The following DOCK8 variants were observed in gnomAD, a reference collection of about 807,000 sequenced individuals.
DOCK8 encodes dedicator of cytokinesis protein 8.
In DOCK8, 141 loss-of-function variants were observed where a neutral mutation model predicts 245.6. The ratio of observed to expected loss-of-function variants is 0.57; its 90% CI spans 0.50 to 0.66. The LOEUF is 0.66. Ranked by LOEUF, DOCK8 falls within the 30% of genes least tolerant of loss-of-function variation. The probability of loss-of-function intolerance (pLI) is 0.00; values close to 1 mark genes in which losing one functional copy is unlikely to be tolerated. For missense variants in DOCK8, 2,965 were observed against 2,603.4 expected, an observed-to-expected ratio of 1.14 and a Z score of -3.02; for synonymous variants, 1,168 against 970.2, an observed-to-expected ratio of 1.20 and a Z score of -3.79.
At chr9:333,248 C>T (rs950887330) in intron 10 of DOCK8, among the ~76,000 whole-genome samples, 1 of 152,200 alleles carries the variant, frequency 6.6e-6, no homozygotes, top group Non-Finnish European at 1.5e-5. Flanking sequence ...AGGTGTTGAG[C>T]CTATGAAAAG....
chr9:314,817 TA>T (rs2050274819), intron 6 of DOCK8, among the ~76,000 whole-genome samples: 2 of 38,542 alleles, frequency 5.2e-5, no homozygotes, highest in African/African-American at 4.2e-4. Context: ...TTTTTAAATA[TA>T]TCATTACTTG....
At position 317,417 on chromosome 9, in the gene DOCK8, G is replaced by A. The variant is rs12003074; in HGVS notation, c.827+289G>A. ...AATGACCTACATTAAGAAAAATAGCGCTTAAGTCAGTGGTGTGCTGGAGTC... is the reference window on the plus strand; with the variant it reads ...AATGACCTACATTAAGAAAAATAGCACTTAAGTCAGTGGTGTGCTGGAGTC... On this transcript the variant is annotated intron_variant, in intron 7 of 47. Transcript: ENST00000432829. Among the ~76,000 whole-genome samples, 33,157 of 152,034 alleles carry A rather than the reference G, an allele frequency of 0.22. 3,965 individuals are homozygous for A. The highest frequency in any genetic ancestry group is 0.26 in the Non-Finnish European group (17,619 of 67,968).
chr9:459,349 A>G (rs2057734324), intron 46 of DOCK8, among the ~76,000 whole-genome samples: 1 of 152,256 alleles, frequency 6.6e-6, no homozygotes, highest in Admixed American at 6.5e-5. Context: ...AATTTTTTGC[A>G]TTATAAAAGT....
At position 358,324 on chromosome 9, in the gene DOCK8, C is replaced by T. The variant is rs193016444; in HGVS notation, c.1680-9694C>T. The stretch of plus-strand genomic sequence containing the variant: ...GGCTAGGCTAGTCTCGAACTCCTGG[C>T]CTCAAACAGTCCTCCTGCCTTGACC... On this transcript the variant is annotated intron_variant, in intron 14 of 47. Transcript: ENST00000432829. Among the ~76,000 whole-genome samples, 225 of 152,206 alleles carry T rather than the reference C, an allele frequency of 1.5e-3. 1 individual carries two copies. Among genetic ancestry groups the T allele is most frequent in the Non-Finnish European group, 2.7e-3 (186 of 68,014 alleles).
chr9:282,416 T>G (rs78928988), intron 2 of DOCK8, among the ~76,000 whole-genome samples: 2 of 150,220 alleles, frequency 1.3e-5, no homozygotes, highest in African/African-American at 2.4e-5. Flanking sequence ...TCGTTTTGTT[T>G]TTTTTTTTTT....
intron 35 of DOCK8, among the ~76,000 whole-genome samples, chr9:429,452 C>T (rs906120324): frequency 2.6e-5 from 4 of 152,172 alleles, no homozygotes; most frequent in African/African-American, 7.2e-5. Flanking sequence ...CCAGTGAATG[C>T]GACCTGGCTC....
At chr9:313,845 C>G (rs1434991810) in intron 6 of DOCK8, among the ~76,000 whole-genome samples, 2 of 152,148 alleles carry the variant, frequency 1.3e-5, no homozygotes, top group Non-Finnish European at 2.9e-5. Flanking sequence ...ATGCATAGAT[C>G]AAAACATTAC....
chr9:383,616 C>T (rs775082027), intron 22 of DOCK8, among the ~76,000 whole-genome samples: 14 of 141,978 alleles, frequency 9.9e-5, no homozygotes, highest in Non-Finnish European at 1.7e-4. Context: ...AGGAGAATCA[C>T]GTGAACACGG....
chr9:233,203 G>A (rs539400243), intron 1 of DOCK8, among the ~76,000 whole-genome samples: 4,134 of 152,112 alleles, frequency 0.027, 182 homozygotes, highest in African/African-American at 0.091. Context: ...GTAGTTGAGC[G>A]GTTTTGAGTG....
intron 33 of DOCK8, among the ~76,000 whole-genome samples, chr9:426,575 G>C (rs535438603): frequency 6.6e-6 from 1 of 152,320 alleles, no homozygotes; most frequent in African/African-American, 2.4e-5. Flanking sequence ...CAATCTGAGA[G>C]GGGAGCTTAA....
chr9:327,736 G>A (rs2130823162), intron 8 of DOCK8, among the ~76,000 whole-genome samples: 1 of 152,248 alleles, frequency 6.6e-6, no homozygotes, highest in South Asian at 2.1e-4. Context: ...GAGAGCAGAG[G>A]TCCTCCTCTT....
intron 7 of DOCK8, among the ~76,000 whole-genome samples, chr9:322,820 C>A (rs2050578488): frequency 6.6e-6 from 1 of 152,096 alleles, no homozygotes; most frequent in Non-Finnish European, 1.5e-5. Flanking sequence ...TGGCCTGGTG[C>A]AGTGGCTCAC....
chr9:233,980 T>G (rs1374446029), intron 1 of DOCK8, among the ~76,000 whole-genome samples: 3 of 152,206 alleles, frequency 2.0e-5, no homozygotes, highest in Non-Finnish European at 4.4e-5. Context: ...TGATGCAGTT[T>G]CTTCCTAGCT....
In DOCK8 at chr9:241,357, TAAC is replaced by T. The variant is rs202138888; in HGVS notation, c.53+26331_53+26333del. Among the ~76,000 whole-genome samples, 17 of 152,290 alleles carry T rather than the reference TAAC, an allele frequency of 1.1e-4. No homozygotes were observed. In the East Asian group the frequency reaches 3.3e-3, roughly 29 times the overall value. On this transcript the variant is annotated intron_variant, in intron 1 of 47. Transcript: ENST00000432829. The stretch of plus-strand genomic sequence containing the variant: ...TATGTAGCTGTAATTTCGTATCCCT[TAAC>T]AAATCTCTCCCATCTTTCCCTTCCC...
In DOCK8 at chr9:400,331, C is replaced by T. The variant is rs1484144216; in HGVS notation, c.3234+1072C>T. Among the ~76,000 whole-genome samples, 3 of 97,946 alleles carry T rather than the reference C, an allele frequency of 3.1e-5. 1 individual carries two copies. Among genetic ancestry groups the T allele is most frequent in the Non-Finnish European group, 6.3e-5 (3 of 47,682 alleles). 64.3% of individuals were successfully genotyped at this position (97,946 alleles called of 152,430 possible). On this transcript the variant is annotated intron_variant, in intron 26 of 47. Coordinates refer to ENST00000432829, the MANE Select transcript of DOCK8 (RefSeq NM_203447.4). ...ACCGTCACCACCACCTCCACCACCA[C>T]CACCTCCTCCACCACCACCACCTCC... is the stretch of plus-strand genomic sequence containing the variant.
intron 14 of DOCK8, chr9:365,781 C>A: frequency 2.5e-6 from 1 of 394,790 alleles, no homozygotes; most frequent in Admixed American, 3.5e-5. Context: ...CAGACATTAG[C>A]TCTGCTTATT....
At chr9:365,801 G>A in intron 14 of DOCK8, 3 of 379,014 alleles carry the variant, frequency 7.9e-6, no homozygotes, top group Non-Finnish European at 1.0e-5. Flanking sequence ...TTGATTGGTG[G>A]CAGTGGAGAT....
rs1333161344 is a variant in DOCK8 at position 400,832 on chromosome 9, A to ACCACC, written c.3234+1573_3234+1574insCCACC. ...CATCACCACCACCTCCACCATCACC[A>ACCACC]TCACCACCACCTCCACCATCACCAC... is the stretch of plus-strand genomic sequence containing the variant. On this transcript the variant is annotated intron_variant, in intron 26 of 47. Coordinates refer to ENST00000432829, the MANE Select transcript of DOCK8 (RefSeq NM_203447.4). 6.4e-5 allele frequency among the ~76,000 whole-genome samples: 4 copies of ACCACC among 62,752 alleles called. 1 individual carries two copies. Among genetic ancestry groups the ACCACC allele is most frequent in the Admixed American group, 1.9e-4 (1 of 5,402 alleles). The allele number at this position is 62,752 out of a possible 152,430, so 41.2% of individuals were successfully genotyped here.
upstream of DOCK8, chr9:214,424 A>G: frequency 7.2e-7 from 1 of 1,398,526 alleles, no homozygotes; most frequent in Non-Finnish European, 9.9e-7. Flanking sequence ...GTTGATTTGA[A>G]TCCTGATAGA....
Sources: allele counts gnomAD v4.1 joint callset (sites outside exome capture counted in the v4.1 genomes callset), GRCh38; gene constraint gnomAD v4.1.1; transcripts MANE v1.5; gene names NCBI Gene and HGNC (gene_info 2026-07-23, HGNC 2026-07-21).